The following SLC12A8 variants were observed in gnomAD, a reference collection of about 807,000 sequenced individuals.
SLC12A8 encodes cation-chloride cotransporter 9.
Under a neutral mutation model 75.6 loss-of-function variants are expected in SLC12A8, and 69 were observed. The ratio of observed to expected loss-of-function variants is 0.91; its 90% confidence interval spans 0.75 to 1.11. The LOEUF is 1.11. Ranked by LOEUF, SLC12A8 falls within the 50% of genes most tolerant of loss-of-function variation. SLC12A8 has a pLI of 0.00. For synonymous variants in SLC12A8, 365 were observed against 372.8 expected, an observed-to-expected ratio of 0.98 and a Z score of 0.24; for missense variants, 877 against 896.7, an observed-to-expected ratio of 0.98 and a Z score of 0.28.
chr3:125,176,795 G>C (rs1934539032), intron 5 of SLC12A8, among the ~76,000 whole-genome samples: 1 of 144,516 alleles, frequency 6.9e-6, no homozygotes. Context: ...ACACCAGTTA[G>C]AATGGCAATC....
At chr3:125,159,878 A>G (rs902151728) in intron 5 of SLC12A8, among the ~76,000 whole-genome samples, 6 of 152,250 alleles carry the variant, frequency 3.9e-5, no homozygotes, top group African/African-American at 1.2e-4. Flanking sequence ...ATGAACAGAA[A>G]GTAGGTACAT....
At position 125,108,052 on chromosome 3, in the gene SLC12A8, ACC is replaced by A. The variant is rs1465177230; in HGVS notation, c.1132_1133del (p.Gly378SerfsTer39). On this transcript the variant is annotated frameshift_variant, in exon 10 of 14. Coordinates refer to ENST00000469902, the MANE Select transcript of SLC12A8 (RefSeq NM_024628.6). LOFTEE classifies it high-confidence loss of function. ...CGATGGGGGCCAGAACGTTCACTTG[ACC>A]CACAAAAACAAAGGCCATGGTCACC... The part of the protein sequence containing the change: ...SLVTMAFVFV[G>X]QVNVLAPIVT... The A allele has an allele frequency of 6.2e-7, 1 of 1,614,136 alleles. No individual in the cohort carries two copies. The highest frequency in any genetic ancestry group is 1.7e-5 in the Admixed American group (1 of 60,010).
At chr3:125,200,812 A>G (rs956196568) in intron 2 of SLC12A8, among the ~76,000 whole-genome samples, 1 of 152,228 alleles carries the variant, frequency 6.6e-6, no homozygotes, top group Non-Finnish European at 1.5e-5. Flanking sequence ...AAAAGGAGTC[A>G]TGGCTTTCGG....
intron 5 of SLC12A8, among the ~76,000 whole-genome samples, chr3:125,149,040 T>G (rs999035153): frequency 1.3e-5 from 2 of 152,180 alleles, no homozygotes; most frequent in African/African-American, 2.4e-5. Flanking sequence ...AACTCCCAGC[T>G]GCTCAGGGCT....
At chr3:125,190,060 G>C (rs1934877927) in intron 3 of SLC12A8, among the ~76,000 whole-genome samples, 1 of 152,184 alleles carries the variant, frequency 6.6e-6, no homozygotes, top group African/African-American at 2.4e-5. Context: ...AGGGCCACAA[G>C]CTGGAGGCAA....
intron 6 of SLC12A8, among the ~76,000 whole-genome samples, chr3:125,125,192 C>T (rs369750076): frequency 5.9e-5 from 9 of 151,412 alleles, no homozygotes; most frequent in Admixed American, 3.3e-4. Context: ...TTGGGAAACA[C>T]TCAGTGCCCA....
chr3:125,115,447 T>C (rs1409464740), intron 8 of SLC12A8, among the ~76,000 whole-genome samples: 1 of 151,876 alleles, frequency 6.6e-6, no homozygotes, highest in African/African-American at 2.4e-5. Context: ...CACTTGAACC[T>C]GGGAGGTGGA....
chr3:125,120,901 A>G (rs968940210), intron 6 of SLC12A8: 3 of 695,226 alleles, frequency 4.3e-6, no homozygotes, highest in Non-Finnish European at 7.8e-6. Flanking sequence ...GGGTTGGAGG[A>G]GGCTCAGGAG....
intron 5 of SLC12A8, among the ~76,000 whole-genome samples, chr3:125,167,882 C>A (rs562103356): frequency 2.6e-5 from 4 of 152,200 alleles, no homozygotes; most frequent in African/African-American, 9.7e-5. Context: ...GAGATACAAC[C>A]AAATGGGAAA....
At chr3:125,156,870 C>T (rs550481104) in intron 5 of SLC12A8, among the ~76,000 whole-genome samples, 1 of 152,312 alleles carries the variant, frequency 6.6e-6, no homozygotes, top group South Asian at 2.1e-4. Context: ...TTCCCTGCTT[C>T]AAAGAAAAGC....
chr3:125,197,811 G>GA (rs1274856764), intron 2 of SLC12A8, among the ~76,000 whole-genome samples: 1 of 152,232 alleles, frequency 6.6e-6, no homozygotes, highest in Admixed American at 6.5e-5. Flanking sequence ...TATGGGGTTA[G>GA]AAAATCACCA....
At chr3:125,150,698 A>C (rs1933898864) in intron 5 of SLC12A8, among the ~76,000 whole-genome samples, 1 of 152,180 alleles carries the variant, frequency 6.6e-6, no homozygotes, top group Admixed American at 6.5e-5. Flanking sequence ...TACTCCTTGC[A>C]GTGCGATTCT....
intron 5 of SLC12A8, among the ~76,000 whole-genome samples, chr3:125,175,487 T>G (rs547627450): frequency 6.6e-6 from 1 of 152,186 alleles, no homozygotes; most frequent in Admixed American, 6.5e-5. Flanking sequence ...GGAAAAATAT[T>G]TGGAGTAACT....
chr3:125,156,002 T>C (rs564633722), intron 5 of SLC12A8, among the ~76,000 whole-genome samples: 27 of 152,244 alleles, frequency 1.8e-4, no homozygotes, highest in African/African-American at 6.3e-4. Context: ...CACAGACTTG[T>C]GAGCCAGACG....
chr3:125,125,120 C>CTT lies in SLC12A8; in HGVS notation c.737-4436_737-4435dup, dbSNP rs11432176. ...CGCAAAACTTATTTGGCATTGAACC[C>CTT]TTTTTTTTTTTTTTAAAGAAATGAA... On this transcript the variant is annotated intron_variant, in intron 6 of 13. Coordinates refer to ENST00000469902, the MANE Select transcript of SLC12A8 (RefSeq NM_024628.6). Among the ~76,000 whole-genome samples, 1,152 of 145,486 alleles carry CTT rather than the reference C, an allele frequency of 7.9e-3. 10 individuals carry two copies. Among genetic ancestry groups the CTT allele is most frequent in the South Asian group, 0.013 (59 of 4,514 alleles).
chr3:125,193,351 T>C (rs1401758828), intron 2 of SLC12A8, among the ~76,000 whole-genome samples: 1 of 152,054 alleles, frequency 6.6e-6, no homozygotes, highest in Non-Finnish European at 1.5e-5. Flanking sequence ...GGCTGGGTGA[T>C]AGAGTGAGAC....
At chr3:125,126,422 T>C (rs1019786442) in intron 6 of SLC12A8, among the ~76,000 whole-genome samples, 1 of 152,170 alleles carries the variant, frequency 6.6e-6, no homozygotes, top group Admixed American at 6.5e-5. Flanking sequence ...CTCTCAAAAA[T>C]ATATCCTTGG....
intron 6 of SLC12A8, among the ~76,000 whole-genome samples, chr3:125,122,230 A>G (rs1933080158): frequency 6.6e-6 from 1 of 152,252 alleles, no homozygotes; most frequent in South Asian, 2.1e-4. Context: ...GTTTTAAAAC[A>G]TTAACAATGT....
intron 5 of SLC12A8, among the ~76,000 whole-genome samples, chr3:125,141,951 C>A (rs74706137): frequency 2.0e-5 from 3 of 152,016 alleles, no homozygotes; most frequent in African/African-American, 7.2e-5. Flanking sequence ...GGGACCCGCA[C>A]GACGACGCCC....
Sources: gnomAD v4.1 joint callset for allele counts (sites outside exome capture counted in the v4.1 genomes callset) on GRCh38, gnomAD v4.1.1 for gene constraint, MANE v1.5 for transcripts, NCBI Gene and HGNC (gene_info 2026-07-23, HGNC 2026-07-21) for gene names.